N4BP2L2: variants seen among roughly 807,000 people sequenced by gnomAD.
N4BP2L2 encodes the protein NEDD4-binding protein 2-like 2.
N4BP2L2 carries 50 observed loss-of-function variants against 56.2 expected under a neutral mutation model. The observed-to-expected ratio is 0.89, with a 90% CI of 0.71 to 1.13. The LOEUF (loss-of-function observed/expected upper bound fraction) is 1.13, where lower values mean the gene tolerates loss of function less well. Among genes scored for constraint, N4BP2L2 ranks in the 50% most tolerant of loss-of-function variants. The pLI is 0.00. For missense variants in N4BP2L2, 689 were observed against 693.8 expected, an observed-to-expected ratio of 0.99 and a Z score of 0.08; for synonymous variants, 203 against 223.6, an observed-to-expected ratio of 0.91 and a Z score of 0.82.
In N4BP2L2 at chr13:32,482,462, A is replaced by G. The variant is rs549854227; in HGVS notation, c.365+35395T>C. Among the ~76,000 whole-genome samples, 11 of 152,240 alleles carry G rather than the reference A, an allele frequency of 7.2e-5. 1 individual carries two copies. In the South Asian group the frequency reaches 1.2e-3, roughly 17 times the overall value. On this transcript the variant is annotated intron_variant, in intron 6 of 9. Transcript: ENST00000357505. ...CCTCAATCTCTGCCTCCTGGGTTCA[A>G]GTGATCCTCCCACTTCAGCCTCCTA... is the stretch of plus-strand genomic sequence containing the variant.
At chr13:32,462,064 C>A (rs2080199129) in intron 6 of N4BP2L2, among the ~76,000 whole-genome samples, 1 of 152,160 alleles carries the variant, frequency 6.6e-6, no homozygotes, top group Non-Finnish European at 1.5e-5. Flanking sequence ...ACAGGACTGC[C>A]ATATGATCTA....
chr13:32,509,134 A>G (rs2091393964), downstream of N4BP2L2: 1 of 152,200 alleles, frequency 6.6e-6, no homozygotes, highest in Non-Finnish European at 1.5e-5. Context: ...TCCTTTCCCC[A>G]GCAAGTATCA....
At chr13:32,518,002 T>A (rs2049629290) in exon 6 of N4BP2L2, 1 of 1,611,414 alleles carries the variant, frequency 6.2e-7, no homozygotes, top group African/African-American at 1.3e-5. Context: ...TGTTTATTCC[T>A]CCTAACAAAA....
chr13:32,435,083 G>C (rs942019319), intron 9 of N4BP2L2, among the ~76,000 whole-genome samples: 3 of 152,124 alleles, frequency 2.0e-5, no homozygotes, highest in African/African-American at 7.2e-5. Context: ...TCTAACTTCA[G>C]TCAGAGGTAG....
At chr13:32,463,172 A>G (rs910159841) in intron 6 of N4BP2L2, among the ~76,000 whole-genome samples, 4 of 152,178 alleles carry the variant, frequency 2.6e-5, no homozygotes, top group African/African-American at 9.7e-5. Context: ...CAACTGAAAT[A>G]AAAAATCCAG....
exon 6 of N4BP2L2, chr13:32,514,982 AC>A (rs2048885744): frequency 1.3e-5 from 2 of 152,272 alleles, no homozygotes; most frequent in South Asian, 4.2e-4. Flanking sequence ...TACTAAAAAT[AC>A]AAAAATTATC....
chr13:32,521,009 G>T (rs1484955035), intron 5 of N4BP2L2, among the ~76,000 whole-genome samples: 1 of 152,296 alleles, frequency 6.6e-6, no homozygotes, highest in East Asian at 1.9e-4. Flanking sequence ...TCTGAAAAGG[G>T]AGTTAAGATT....
exon 7 of N4BP2L2, chr13:32,442,526 A>G: frequency 6.2e-7 from 1 of 1,613,900 alleles, no homozygotes; most frequent in East Asian, 2.2e-5. Context: ...GGTTCTTCCC[A>G]TCTTTTCAGC....
intron 6 of N4BP2L2, among the ~76,000 whole-genome samples, chr13:32,482,949 ATACT>A (rs1408698536): frequency 6.6e-6 from 1 of 152,242 alleles, no homozygotes; most frequent in African/African-American, 2.4e-5. Flanking sequence ...AAACTAAGAC[ATACT>A]TATTCAGACT....
chr13:32,519,130 GA>G (rs1472041231), intron 5 of N4BP2L2, among the ~76,000 whole-genome samples: 1 of 151,658 alleles, frequency 6.6e-6, no homozygotes, highest in Non-Finnish European at 1.5e-5. Flanking sequence ...CGATGAAGTT[GA>G]AAATTGGCAA....
chr13:32,530,953 T>A (rs1176577943), intron 2 of N4BP2L2, among the ~76,000 whole-genome samples: 1 of 151,806 alleles, frequency 6.6e-6, no homozygotes, highest in African/African-American at 2.4e-5. Flanking sequence ...CTCTTTCACT[T>A]TGAAAGAAAT....
chr13:32,510,963 A>G (rs781076491), exon 6 of N4BP2L2: 4 of 152,080 alleles, frequency 2.6e-5, no homozygotes, highest in Non-Finnish European at 4.4e-5. Flanking sequence ...AACCTTGGAA[A>G]AACACCAAAT....
At chr13:32,441,944 C>T (rs573431718) in intron 7 of N4BP2L2, among the ~76,000 whole-genome samples, 46 of 151,846 alleles carry the variant, frequency 3.0e-4, no homozygotes, top group African/African-American at 9.2e-4. Flanking sequence ...GGCGTGGTGG[C>T]GGGCGCCTGT....
chr13:32,442,813 T>C, exon 7 of N4BP2L2: 2 of 1,613,814 alleles, frequency 1.2e-6, no homozygotes. Context: ...GCAATGAGAA[T>C]AACGCTGTCC....
intron 6 of N4BP2L2, among the ~76,000 whole-genome samples, chr13:32,491,968 T>C (rs2139355853): frequency 6.6e-6 from 1 of 152,230 alleles, no homozygotes; most frequent in East Asian, 1.9e-4. Flanking sequence ...TCTTCCTAAT[T>C]GAACTGGTGA....
At chr13:32,483,349 G>C (rs2085172804) in intron 6 of N4BP2L2, among the ~76,000 whole-genome samples, 1 of 152,170 alleles carries the variant, frequency 6.6e-6, no homozygotes, top group Admixed American at 6.5e-5. Flanking sequence ...AAAAAACGCA[G>C]GTGGCCTTTG....
intron 6 of N4BP2L2, among the ~76,000 whole-genome samples, chr13:32,472,692 T>C (rs1487733182): frequency 6.6e-6 from 1 of 152,210 alleles, no homozygotes; most frequent in African/African-American, 2.4e-5. Flanking sequence ...ACCCGTGAGA[T>C]GAAGCTAGCT....
chr13:32,470,037 A>T (rs1403402221), intron 6 of N4BP2L2, among the ~76,000 whole-genome samples: 1 of 152,168 alleles, frequency 6.6e-6, no homozygotes, highest in Non-Finnish European at 1.5e-5. Context: ...TGGCTATGAA[A>T]GCCAGTCAGT....
At chr13:32,522,091 T>G (rs901677634) in intron 4 of N4BP2L2, 91 bp downstream of exon 4, 8 of 796,800 alleles carry the variant, frequency 1.0e-5, no homozygotes, top group Non-Finnish European at 1.4e-5. Context: ...GACAAATGTT[T>G]TAATAATCAA....
Sources: gnomAD v4.1 joint callset for allele counts (sites outside exome capture counted in the v4.1 genomes callset) on GRCh38, gnomAD v4.1.1 for gene constraint, MANE v1.5 for transcripts, NCBI Gene and HGNC (gene_info 2026-07-23, HGNC 2026-07-21) for gene names.